The following PCDHA4 variants were observed in gnomAD, a reference collection of about 807,000 sequenced individuals.
PCDHA4 encodes the protein protocadherin alpha-4.
In PCDHA4, 49 loss-of-function variants were observed where a neutral mutation model predicts 61.4. That is an observed-to-expected ratio of 0.80 (90% confidence interval 0.63 to 1.01). The LOEUF (loss-of-function observed/expected upper bound fraction) is 1.01. Among genes scored for constraint, PCDHA4 ranks in the 50% least tolerant of loss-of-function variants. The pLI, the probability that PCDHA4 is intolerant of heterozygous loss-of-function variation, is 0.00. For synonymous variants in PCDHA4, 590 were observed against 550.3 expected (o/e 1.07, Z -1.01); for missense variants, 1,254 against 1,235.8 (o/e 1.01, Z -0.22).
chr5:140,927,870 G>A (rs1302526715), intron 1 of PCDHA4: 1 of 1,614,100 alleles, frequency 6.2e-7, no homozygotes. Context: ...CCGCTAAACT[G>A]CTGGTGGAGG....
At chr5:140,925,833 CG>C (rs2082756406) in intron 1 of PCDHA4, among the ~76,000 whole-genome samples, 1 of 152,070 alleles carries the variant, frequency 6.6e-6, no homozygotes, top group Admixed American at 6.5e-5. Flanking sequence ...GGGGACGGGT[CG>C]TCAAGTCTTT....
chr5:140,922,700 A>G (rs1447566146), intron 1 of PCDHA4, among the ~76,000 whole-genome samples: 1 of 152,256 alleles, frequency 6.6e-6, no homozygotes, highest in Non-Finnish European at 1.5e-5. Context: ...GCTTCCATAC[A>G]GTCAAGAACA....
intron 1 of PCDHA4, among the ~76,000 whole-genome samples, chr5:140,936,458 G>A (rs963270336): frequency 2.6e-5 from 4 of 152,046 alleles, no homozygotes; most frequent in Non-Finnish European, 4.4e-5. Flanking sequence ...TCTGTTTAGT[G>A]GTTGCTGTAG....
intron 1 of PCDHA4, chr5:140,928,022 G>A: frequency 6.2e-7 from 1 of 1,614,200 alleles, no homozygotes; most frequent in Non-Finnish European, 8.5e-7. Flanking sequence ...AGGGTCATTT[G>A]TGGCATGTCT....
chr5:140,821,780 T>C (rs2150110627), intron 1 of PCDHA4: 2 of 1,609,478 alleles, frequency 1.2e-6, no homozygotes, highest in Admixed American at 1.7e-5. Flanking sequence ...ATTGAGATGG[T>C]ATATTCCCGG....
chr5:140,920,612 G>A (rs1389841013), intron 1 of PCDHA4, among the ~76,000 whole-genome samples: 3 of 152,092 alleles, frequency 2.0e-5, no homozygotes, highest in Non-Finnish European at 2.9e-5. Flanking sequence ...TTGGGAGGCC[G>A]AGGCGGATGG....
intron 3 of PCDHA4, among the ~76,000 whole-genome samples, chr5:141,000,421 A>ATTTTTTTTTTT (rs34755515): frequency 3.6e-5 from 1 of 27,968 alleles, no homozygotes; most frequent in Non-Finnish European, 5.7e-5. Context: ...ATATATATAT[A>ATTTTTTTTTTT]TTTTTTTTTT....
intron 1 of PCDHA4, among the ~76,000 whole-genome samples, chr5:140,953,801 T>C (rs2094937379): frequency 6.6e-6 from 1 of 152,204 alleles, no homozygotes; most frequent in Non-Finnish European, 1.5e-5. Flanking sequence ...ACTTTTAAGT[T>C]CTGAGGTGCA....
intron 1 of PCDHA4, among the ~76,000 whole-genome samples, chr5:140,904,057 G>T (rs1043471579): frequency 6.6e-6 from 1 of 151,986 alleles, no homozygotes; most frequent in Non-Finnish European, 1.5e-5. Context: ...ATTTCAATGG[G>T]TTTTTGGGGA....
rs144914662 is a variant in PCDHA4 at position 140,807,597 on chromosome 5, A to G, written c.410A>G (p.Gln137Arg). 6.2e-7 allele frequency: 1 copy of G among 1,614,208 alleles called. No individual in the cohort carries two copies. Among genetic ancestry groups the G allele is most frequent in the South Asian group, 1.1e-5 (1 of 91,082 alleles). ...AACCCGCCGGTGTTCCCAGCAACACAAAAGAACCTGTCCATCGCGGAATCC... is the reference window on the plus strand; with the variant it reads ...AACCCGCCGGTGTTCCCAGCAACACGAAAGAACCTGTCCATCGCGGAATCC... Reference protein sequence around the residue: ...NDNPPVFPATQKNLSIAESRP... With the variant: ...NDNPPVFPATRKNLSIAESRP... The change falls in exon 1 of 4, where the codon CAA (glutamine) becomes CGA (arginine). Residue 137 changes from glutamine to arginine, a missense_variant. Coordinates refer to ENST00000530339, the MANE Select transcript of PCDHA4 (RefSeq NM_018907.4).
chr5:140,862,984 G>A (rs1420012474), intron 1 of PCDHA4: 1 of 546,626 alleles, frequency 1.8e-6, no homozygotes, highest in Non-Finnish European at 3.6e-6. Context: ...TGGTGGCGAA[G>A]GTGCGCACGG....
chr5:140,895,225 G>GT, intron 1 of PCDHA4, among the ~76,000 whole-genome samples: 1 of 152,168 alleles, frequency 6.6e-6, no homozygotes, highest in African/African-American at 2.4e-5. Context: ...ATTTTACTGA[G>GT]TTTTCTCATC....
chr5:140,883,481 T>C (rs1401240290), intron 1 of PCDHA4: 1 of 1,614,166 alleles, frequency 6.2e-7, no homozygotes, highest in East Asian at 2.2e-5. Flanking sequence ...CAAGAACTAC[T>C]ACTCATTAGT....
intron 1 of PCDHA4, chr5:140,853,989 C>A: frequency 4.0e-6 from 2 of 494,684 alleles, no homozygotes; most frequent in Non-Finnish European, 5.4e-6. Context: ...TGTAGTGAGA[C>A]TCATCTCTGC....
In PCDHA4 at chr5:140,807,403, A is replaced by G. The variant is rs3822350; in HGVS notation, c.216A>G (p.Gly72=). 3.1e-5 allele frequency: 44 copies of G among 1,410,564 alleles called. 2 individuals carry two copies. Among genetic ancestry groups the G allele is most frequent in the Admixed American group, 1.4e-4 (7 of 49,960 alleles). The allele number at this position is 1,410,564 out of a possible 1,614,324, so 87.4% of individuals were successfully genotyped here. A position where few individuals can be genotyped will look rare whatever the true frequency, so the allele number is the denominator to read the frequency against. Residue 72 remains glycine (G), a synonymous_variant, in exon 1 of 4, where the codon GGA becomes GGG. Coordinates refer to ENST00000530339, the MANE Select transcript of PCDHA4 (RefSeq NM_018907.4). ...TCCGGGTGGCGTCCAAGGGCCGCGGAGGCCTTCTGGAGGTAAATCTGCAGA... is the reference window on the plus strand; with the variant it reads ...TCCGGGTGGCGTCCAAGGGCCGCGGGGGCCTTCTGGAGGTAAATCTGCAGA... The part of the protein sequence containing the change: ...RLFRVASKGR[G]GLLEVNLQNG...
At chr5:140,965,848 C>T (rs2095941298) in intron 1 of PCDHA4, among the ~76,000 whole-genome samples, 1 of 152,178 alleles carries the variant, frequency 6.6e-6, no homozygotes, top group Non-Finnish European at 1.5e-5. Context: ...TTTGCCAAGG[C>T]ACACACTGAA....
chr5:140,856,981 C>T lies in PCDHA4; in HGVS notation c.2385+47409C>T, dbSNP rs1554149362. 1.2e-5 allele frequency: 19 copies of T among 1,594,810 alleles called. 1 individual carries two copies. Among genetic ancestry groups the T allele is most frequent in the Non-Finnish European group, 1.5e-5 (18 of 1,164,604 alleles). Reference sequence around the variant, plus strand: ...TAAATGATGCTATTGACTTTGAGGACAGTAACACTTATGAAATTCATGTAG... The same window carrying T: ...TAAATGATGCTATTGACTTTGAGGATAGTAACACTTATGAAATTCATGTAG... On this transcript the variant is annotated intron_variant, in intron 1 of 3. Transcript: ENST00000530339.
At chr5:140,969,908 T>C (rs1586401643) in intron 1 of PCDHA4, among the ~76,000 whole-genome samples, 4 of 152,184 alleles carry the variant, frequency 2.6e-5, no homozygotes, top group Non-Finnish European at 4.4e-5. Context: ...ATGTCACAAG[T>C]GATAAAGCTG....
At chr5:140,838,592 G>A (rs2150290515) in intron 1 of PCDHA4, among the ~76,000 whole-genome samples, 4 of 151,904 alleles carry the variant, frequency 2.6e-5, no homozygotes, top group South Asian at 2.1e-4. Flanking sequence ...AACAATAACC[G>A]AATTGTCTAG....
Sources: gnomAD v4.1 joint callset for allele counts (sites outside exome capture counted in the v4.1 genomes callset) on GRCh38, gnomAD v4.1.1 for gene constraint, MANE v1.5 for transcripts, NCBI Gene and HGNC (gene_info 2026-07-23, HGNC 2026-07-21) for gene names.